The following ADGRL1 variants were observed in gnomAD, a reference collection of about 807,000 sequenced individuals.
ADGRL1 encodes the protein CIRL-1.
ADGRL1 carries 31 observed loss-of-function variants against 148.9 expected under a neutral mutation model. The observed-to-expected ratio is 0.21, with a 90% CI of 0.16 to 0.28. The LOEUF is 0.28. ADGRL1 is among the 10% of genes least tolerant of loss of function. The probability of loss-of-function intolerance (pLI) is 1.00; values close to 1 mark genes in which losing one functional copy is unlikely to be tolerated. For synonymous variants in ADGRL1, 937 were observed against 900.3 expected (o/e 1.04, Z -0.73); for missense variants, 1,521 against 2,058.8 (o/e 0.74, Z 5.05).
intron 4 of ADGRL1, among the ~76,000 whole-genome samples, chr19:14,166,581 A>AG (rs1568593996): frequency 1.3e-5 from 2 of 148,290 alleles, no homozygotes; most frequent in Non-Finnish European, 3.0e-5. Context: ...AGAGAGAGAG[A>AG]AAGAGAGAGA....
chr19:14,179,771 T>C (rs1035302541), intron 2 of ADGRL1, among the ~76,000 whole-genome samples: 1 of 150,640 alleles, frequency 6.6e-6, no homozygotes, highest in African/African-American at 2.4e-5. Flanking sequence ...ATTAGCCGGG[T>C]GTGGTGGCAG....
rs975335381 is a variant in ADGRL1, at chr19:14,182,948, T to C, written c.70+585A>G. Among the ~76,000 whole-genome samples, 17 of 151,888 alleles carry C rather than the reference T, an allele frequency of 1.1e-4. 1 individual carries two copies. Among genetic ancestry groups the C allele is most frequent in the Non-Finnish European group, 4.4e-5 (3 of 67,920 alleles). ...ACATCCCAGAGTGAGGGGCCGGGCC[T>C]ACTGGCCTCTTCTCTTGGCCTCTCA... is the stretch of plus-strand genomic sequence containing the variant. On this transcript the variant is annotated intron_variant, in intron 2 of 22. Coordinates refer to ENST00000361434, the MANE Select transcript of ADGRL1 (RefSeq NM_014921.5).
intron 4 of ADGRL1, among the ~76,000 whole-genome samples, chr19:14,164,453 G>C (rs1969752085): frequency 6.6e-6 from 1 of 152,092 alleles, no homozygotes; most frequent in Non-Finnish European, 1.5e-5. Flanking sequence ...GAGGAGAGAG[G>C]GGTGAGCAGA....
intron 2 of ADGRL1, among the ~76,000 whole-genome samples, chr19:14,182,828 C>T (rs1023024699): frequency 1.3e-5 from 2 of 152,214 alleles, no homozygotes; most frequent in South Asian, 2.1e-4. Context: ...AACCGTGTCC[C>T]TTCAACCTTT....
intron 1 of ADGRL1, among the ~76,000 whole-genome samples, chr19:14,190,763 C>T (rs564410318): frequency 1.4e-4 from 22 of 152,228 alleles, no homozygotes; most frequent in South Asian, 4.1e-4. Context: ...ATAATGTCCT[C>T]CAGGTTCATC....
chr19:14,159,199 G>A lies in ADGRL1; in HGVS notation c.2040C>T (p.Val680=). The change falls in exon 11 of 23, where the codon GTC becomes GTT. Residue 680 remains valine, a synonymous_variant. Transcript: ENST00000361434. The surrounding 1 kb of genome is among the most constrained non-coding windows in gnomAD (Gnocchi z 6.0). ...AKENVVLEVT[V]LNTEGQVQEL... is the part of the protein sequence containing the mutation. Reference sequence around the variant, plus strand: ...CCTGCACCTGGCCCTCTGTGTTCAGGACTGTGACCTCCAGGACTGTGGGGA... The same window carrying A: ...CCTGCACCTGGCCCTCTGTGTTCAGAACTGTGACCTCCAGGACTGTGGGGA... 2 of 1,614,076 alleles carry A rather than the reference G, an allele frequency of 1.2e-6. No individual in the cohort carries two copies.
Position 14,159,913 on chromosome 19 carries a change from G to T in ADGRL1, c.1801-140C>A, listed in dbSNP as rs565686948. The stretch of plus-strand genomic sequence containing the variant: ...GGCTATCAGCAAGACATTCCTCAGG[G>T]ATCCCCAACCCCCAGGACCATCCGG... On this transcript the variant is annotated intron_variant, in intron 8 of 22. Transcript: ENST00000361434. This position sits in a 1 kb window ranked among gnomAD's most constrained non-coding sequence, Gnocchi z 6.0. The T allele has an allele frequency of 6.0e-6, 6 of 997,836 alleles. No individual in the cohort carries two copies. The highest frequency in any genetic ancestry group is 4.7e-5 in the African/African-American group (3 of 63,466). 61.8% of individuals were successfully genotyped at this position (997,836 alleles called of 1,614,324 possible).
chr19:14,186,926 C>T (rs1174377867), intron 1 of ADGRL1, among the ~76,000 whole-genome samples: 1 of 152,254 alleles, frequency 6.6e-6, no homozygotes, highest in East Asian at 1.9e-4. Flanking sequence ...GCAAACAAAA[C>T]AGTCCTCGCC....
intron 1 of ADGRL1, among the ~76,000 whole-genome samples, chr19:14,197,298 C>T (rs913532494): frequency 3.3e-5 from 5 of 152,136 alleles, no homozygotes; most frequent in East Asian, 1.9e-4. Flanking sequence ...AAGGTCACCC[C>T]GGCCACCAAG....
intron 16 of ADGRL1, 94 bp downstream of exon 16, chr19:14,156,564 T>C: frequency 1.9e-6 from 1 of 519,140 alleles, no homozygotes. Flanking sequence ...TGTGTGTGTG[T>C]GTGGGGGGGG....
chr19:14,155,618 G>T lies in ADGRL1; in HGVS notation c.3126-91C>A. On this transcript the variant is annotated intron_variant, in intron 17 of 22. Coordinates refer to ENST00000361434, the MANE Select transcript of ADGRL1 (RefSeq NM_014921.5). The surrounding 1 kb of genome is among the most constrained non-coding windows in gnomAD (Gnocchi z 5.0). ...CCTGCAGCCTACAACGGGGGCCCTTGGGTGGGCCTGGGCACTGTCTGCAAA... is the reference window on the plus strand; with the variant it reads ...CCTGCAGCCTACAACGGGGGCCCTTTGGTGGGCCTGGGCACTGTCTGCAAA... The T allele has an allele frequency of 1.5e-6, 2 of 1,348,198 alleles. No homozygotes were observed. Among genetic ancestry groups the T allele is most frequent in the African/African-American group, 2.9e-5 (2 of 69,342 alleles). The allele number at this position is 1,348,198 out of a possible 1,614,324, so 83.5% of individuals were successfully genotyped here.
intron 1 of ADGRL1, among the ~76,000 whole-genome samples, chr19:14,202,437 G>C (rs188049150): frequency 6.6e-6 from 1 of 152,180 alleles, no homozygotes; most frequent in African/African-American, 2.4e-5. Context: ...ACTTGTAGTA[G>C]AGATGGGGTT....
At chr19:14,184,610 A>AT (rs771293493) in intron 1 of ADGRL1, among the ~76,000 whole-genome samples, 3 of 61,286 alleles carry the variant, frequency 4.9e-5, no homozygotes, top group African/African-American at 2.0e-4. Context: ...TTTTTATTTT[A>AT]TTTATTTATT....
rs774837381 is a variant in ADGRL1 at position 14,161,513 on chromosome 19, G to A, written c.1309C>T (p.His437Tyr). 2 of 1,446,226 alleles carry A rather than the reference G, an allele frequency of 1.4e-6. No homozygotes were observed. The highest frequency in any genetic ancestry group is 1.8e-6 in the Non-Finnish European group (2 of 1,098,432). The allele number at this position is 1,446,226 out of a possible 1,614,324, so 89.6% of individuals were successfully genotyped here. Residue 437 changes from histidine (H) to tyrosine (Y), a missense_variant, in exon 6 of 23, where the codon CAC becomes TAC. Physicochemically the swap from His to Tyr is moderately conservative, Grantham distance 83 (BLOSUM62 2). Transcript: ENST00000361434. The surrounding 1 kb of genome is among the most constrained non-coding windows in gnomAD (Gnocchi z 4.4). ...TPLRRAPLTT[H>Y]PVGAINQLGP... The stretch of plus-strand genomic sequence containing the variant: ...AGCTGGTTGATGGCACCCACTGGGT[G>A]CGTGGTGAGGGGTGCCCGGCGGAGC...
At chr19:14,200,073 C>T (rs1427137485) in intron 1 of ADGRL1, among the ~76,000 whole-genome samples, 1 of 152,186 alleles carries the variant, frequency 6.6e-6, no homozygotes, top group Non-Finnish European at 1.5e-5. Context: ...AGGCCATCTC[C>T]CCTGGAGAAG....
intron 4 of ADGRL1, among the ~76,000 whole-genome samples, chr19:14,166,460 C>G (rs926014009): frequency 1.3e-5 from 2 of 152,036 alleles, no homozygotes; most frequent in African/African-American, 4.8e-5. Context: ...GGAGAATCTG[C>G]TCCCCAAAAG....
chr19:14,159,984 G>C lies in ADGRL1; in HGVS notation c.1800+128C>G. On this transcript the variant is annotated intron_variant, in intron 8 of 22. Coordinates refer to ENST00000361434, the MANE Select transcript of ADGRL1 (RefSeq NM_014921.5). The surrounding 1 kb of genome is among the most constrained non-coding windows in gnomAD (Gnocchi z 6.0). ...CGGCAGTCCTTGGCGGAGAGGGGGG[G>C]GTCCTTCCTCTCTGAGGAAAGGAGT... 2 of 1,078,372 alleles carry C rather than the reference G, an allele frequency of 1.9e-6. No individual in the cohort carries two copies. Among genetic ancestry groups the C allele is most frequent in the Non-Finnish European group, 2.6e-6 (2 of 757,320 alleles). The allele number at this position is 1,078,372 out of a possible 1,614,324, so 66.8% of individuals were successfully genotyped here. A position where few individuals can be genotyped will look rare whatever the true frequency, so the allele number is the denominator to read the frequency against.
intron 1 of ADGRL1, chr19:14,191,336 A>G (rs1425538627): frequency 2.2e-6 from 1 of 456,370 alleles, no homozygotes; most frequent in Non-Finnish European, 4.4e-6. Context: ...CCATGCTGTG[A>G]CCTCTTGTGT....
At chr19:14,187,656 C>T (rs447709) in intron 1 of ADGRL1, among the ~76,000 whole-genome samples, 32 of 150,096 alleles carry the variant, frequency 2.1e-4, no homozygotes, top group Admixed American at 2.1e-3. Flanking sequence ...GATTTTACAG[C>T]GTGTTACCCC....
Sources: allele counts gnomAD v4.1 joint callset (sites outside exome capture counted in the v4.1 genomes callset), GRCh38; gene constraint gnomAD v4.1.1; non-coding constraint Gnocchi (gnomAD v3.1); transcripts MANE v1.5; gene names NCBI Gene and HGNC (gene_info 2026-07-23, HGNC 2026-07-21).